EARS2: variants seen among roughly 807,000 people sequenced by gnomAD.
EARS2 encodes glutamyl-tRNA synthetase 2, mitochondrial.
In EARS2, 50 loss-of-function variants were observed where a neutral mutation model predicts 54.1. The observed-to-expected ratio is 0.92, with a 90% CI of 0.74 to 1.17. The LOEUF (loss-of-function observed/expected upper bound fraction) is 1.17, where lower values mean the gene tolerates loss of function less well. EARS2 is among the 50% of genes most tolerant of loss of function. EARS2 has a pLI of 0.00. For missense variants in EARS2, 673 were observed against 675.0 expected, an observed-to-expected ratio of 1.00 and a Z score of 0.03; for synonymous variants, 298 against 281.0, an observed-to-expected ratio of 1.06 and a Z score of -0.61.
At chr16:23,529,925 G>A in intron 5 of EARS2, 28 bp from the exon 6 acceptor site, 1 of 1,611,570 alleles carries the variant, frequency 6.2e-7, no homozygotes, top group Non-Finnish European at 8.5e-7. Context: ...GGGCTGCCCT[G>A]CTGTCAACAC....
Position 23,552,240 on chromosome 16 carries a change from C to T in EARS2, c.204G>A (p.Gln68=), listed in dbSNP as rs750379207. ...LYNYIFAKKY[Q]GSFILRLEDT... is the part of the protein sequence containing the mutation. ...CCTCTAGCCTCAGGATGAAGCTCCC[C>T]TGGTACTTCTTAGCAAAGATGTAGT... Residue 68 remains glutamine, a synonymous_variant, in exon 2 of 9, where the codon CAG becomes CAA. Transcript: ENST00000449606. The T allele has an allele frequency of 3.5e-5, 57 of 1,614,076 alleles. No homozygotes were observed. The highest frequency in any genetic ancestry group is 1.6e-4 in the Middle Eastern group (1 of 6,084).
At position 23,522,241 on chromosome 16, in the gene EARS2, T is replaced by G. The variant is rs2142155523; in HGVS notation, c.*2130A>C. The stretch of plus-strand genomic sequence containing the variant: ...CTTTTCCTCCATTGCATATAATCCC[T>G]GTGAAACTACCTATTACTGGCCAAG... On this transcript the variant is annotated 3_prime_UTR_variant, in exon 9 of 9. Transcript: ENST00000449606. 5.5e-6 allele frequency: 1 copy of G among 182,020 alleles called. No individual in the cohort carries two copies. The highest frequency in any genetic ancestry group is 1.2e-5 in the Non-Finnish European group (1 of 84,248). The allele number at this position is 182,020 out of a possible 1,614,324, so 11.3% of individuals were successfully genotyped here.
chr16:23,534,934 G>A lies in EARS2; in HGVS notation c.912C>T (p.Pro304=), dbSNP rs753022070. Reference sequence around the variant, plus strand: ...TGGTGATGATGTCCAACAAGGAATCGGGCAGGAAGCCATCAGCAGCAAAGT... The same window carrying A: ...TGGTGATGATGTCCAACAAGGAATCAGGCAGGAAGCCATCAGCAGCAAAGT... ...LEHFAADGFL[P]DSLLDIITNC... The change falls in exon 4 of 9, where the codon CCC becomes CCT. Residue 304 remains proline (P), a synonymous_variant. Coordinates refer to ENST00000449606, the MANE Select transcript of EARS2 (RefSeq NM_001083614.2). The A allele has an allele frequency of 2.9e-5, 47 of 1,601,874 alleles. No homozygotes were observed. The highest frequency in any genetic ancestry group is 3.3e-5 in the Non-Finnish European group (39 of 1,172,258).
intron 3 of EARS2, among the ~76,000 whole-genome samples, chr16:23,538,464 A>C (rs947354554): frequency 6.6e-6 from 1 of 151,786 alleles, no homozygotes; most frequent in African/African-American, 2.4e-5. Context: ...CTGTCTTTTT[A>C]CATTGGCTTC....
At chr16:23,533,029 G>T (rs1965352964) in intron 4 of EARS2, among the ~76,000 whole-genome samples, 1 of 152,160 alleles carries the variant, frequency 6.6e-6, no homozygotes, top group Non-Finnish European at 1.5e-5. Context: ...GCTTACACCT[G>T]TAATACCAGC....
chr16:23,533,487 G>A (rs766976143), intron 4 of EARS2, among the ~76,000 whole-genome samples: 1 of 151,956 alleles, frequency 6.6e-6, no homozygotes, highest in East Asian at 1.9e-4. Context: ...GCAAGCCCTG[G>A]GCCCCCCATT....
Position 23,552,194 on chromosome 16 carries a change from C to T in EARS2, c.250G>A (p.Val84Met). The part of the protein sequence containing the change: ...RLEDTDQTRV[V>M]PGAAENIEDM... ...TCAATATTCTCCGCTGCCCCAGGCA[C>T]AACGCGAGTCTGATCTGTGTCCTCT... The change falls in exon 2 of 9, where the codon GTG (valine) becomes ATG (methionine). Residue 84 changes from valine to methionine, a missense_variant. By Grantham distance (21) the Val-to-Met change is conservative (BLOSUM62 1). Coordinates refer to ENST00000449606, the MANE Select transcript of EARS2 (RefSeq NM_001083614.2). 6.2e-7 allele frequency: 1 copy of T among 1,614,188 alleles called. No individual in the cohort carries two copies. The highest frequency in any genetic ancestry group is 8.5e-7 in the Non-Finnish European group (1 of 1,180,014).
intron 5 of EARS2, among the ~76,000 whole-genome samples, chr16:23,532,382 C>T (rs1403302560): frequency 6.6e-6 from 1 of 152,080 alleles, no homozygotes; most frequent in Non-Finnish European, 1.5e-5. Context: ...TAAAAATATA[C>T]GTACCATTTA....
At chr16:23,528,539 A>G (rs903280991) in intron 7 of EARS2, among the ~76,000 whole-genome samples, 6 of 152,244 alleles carry the variant, frequency 3.9e-5, no homozygotes, top group Non-Finnish European at 7.3e-5. Context: ...GGAGTCCCAG[A>G]GCAAATCTAA....
chr16:23,535,097 C>G lies in EARS2; in HGVS notation c.749G>C (p.Trp250Ser). 1 of 1,608,992 alleles carries G rather than the reference C, an allele frequency of 6.2e-7. No individual in the cohort carries two copies. The highest frequency in any genetic ancestry group is 1.7e-5 in the Admixed American group (1 of 59,174). The change falls in exon 4 of 9, where the codon TGG becomes TCG. Residue 250 changes from tryptophan to serine, a missense_variant. Coordinates refer to ENST00000449606, the MANE Select transcript of EARS2 (RefSeq NM_001083614.2). ...CAGGTGCTTGGCAGTGGAGACGAGCCACTCAGAGCCTCGCAGCACGTGGCT... is the reference window on the plus strand; with the variant it reads ...CAGGTGCTTGGCAGTGGAGACGAGCGACTCAGAGCCTCGCAGCACGTGGCT... Reference protein sequence around the residue: ...GISHVLRGSEWLVSTAKHLLL... With the variant: ...GISHVLRGSESLVSTAKHLLL...
At chr16:23,548,733 C>T (rs1965646490) in intron 2 of EARS2, among the ~76,000 whole-genome samples, 1 of 152,128 alleles carries the variant, frequency 6.6e-6, no homozygotes, top group African/African-American at 2.4e-5. Flanking sequence ...AGCCTGAAAA[C>T]CAAACTGTCA....
intron 7 of EARS2, among the ~76,000 whole-genome samples, chr16:23,528,812 G>T (rs1480427622): frequency 6.6e-6 from 1 of 152,214 alleles, no homozygotes; most frequent in African/African-American, 2.4e-5. Flanking sequence ...GAGGTGGGAG[G>T]ATGAGCCCTG....
chr16:23,529,830 G>A lies in EARS2; in HGVS notation c.1135C>T (p.Leu379Phe). The A allele has an allele frequency of 6.2e-7, 1 of 1,614,170 alleles. No homozygotes were observed. Among genetic ancestry groups the A allele is most frequent in the South Asian group, 1.1e-5 (1 of 91,082 alleles). The change falls in exon 6 of 9, where the codon CTT becomes TTT. Residue 379 changes from leucine (L) to phenylalanine (F), a missense_variant. This residue lies in a region of EARS2 where 338 missense variants were observed against 361.2 expected (regional missense o/e 0.94). Coordinates refer to ENST00000449606, the MANE Select transcript of EARS2 (RefSeq NM_001083614.2). The stretch of plus-strand genomic sequence containing the variant: ...TGGCAACCAAAGGCCTCCTCCACAA[G>A]GACCTGCAGCTTCCCCACCAGCTGG... ...RRQLVGKLQV[L>F]VEEAFGCQLQ... is the part of the protein sequence containing the mutation.
chr16:23,546,515 C>T, intron 2 of EARS2: 1 of 447,550 alleles, frequency 2.2e-6, no homozygotes, highest in African/African-American at 2.0e-5. Flanking sequence ...GTAAAGTACT[C>T]ATCAAGTGGC....
At position 23,557,279 on chromosome 16, in the gene EARS2, A is replaced by T; in HGVS notation, c.65T>A (p.Val22Glu). The T allele has an allele frequency of 6.6e-7, 1 of 1,518,598 alleles. No individual in the cohort carries two copies. The highest frequency in any genetic ancestry group is 8.7e-7 in the Non-Finnish European group (1 of 1,144,838). The allele number at this position is 1,518,598 out of a possible 1,614,324, so 94.1% of individuals were successfully genotyped here. Residue 22 changes from valine to glutamate, a missense_variant, in exon 1 of 9, where the codon GTA becomes GAA. Transcript: ENST00000449606. ...ERPSAASGRP[V>E]GRREANLGTD... ...GCCCAGGTTGGCCTCGCGCCGTCCTACGGGGCGGCCAGAGGCCGCCGAAGG... is the reference window on the plus strand; with the variant it reads ...GCCCAGGTTGGCCTCGCGCCGTCCTTCGGGGCGGCCAGAGGCCGCCGAAGG...
chr16:23,537,107 T>C, intron 3 of EARS2: 1 of 262,468 alleles, frequency 3.8e-6, no homozygotes, highest in Admixed American at 4.4e-5. Flanking sequence ...CTGGCAGGAA[T>C]TCTGACAGTG....
intron 4 of EARS2, among the ~76,000 whole-genome samples, chr16:23,532,977 C>T (rs1965352194): frequency 6.6e-6 from 1 of 152,112 alleles, no homozygotes; most frequent in Non-Finnish European, 1.5e-5. Flanking sequence ...TACTACCGCA[C>T]CTGGCTAATT....
chr16:23,534,778 C>G (rs1174660995), intron 4 of EARS2, 110 bp downstream of exon 4: 1 of 926,360 alleles, frequency 1.1e-6, no homozygotes, highest in Non-Finnish European at 1.6e-6. Flanking sequence ...CCAAGGTCAC[C>G]TGGCTGGTAG....
chr16:23,532,226 G>A (rs1019857371), intron 5 of EARS2, among the ~76,000 whole-genome samples: 1 of 152,176 alleles, frequency 6.6e-6, no homozygotes, highest in Non-Finnish European at 1.5e-5. Context: ...ATATAAAGTA[G>A]ATGCCATGAG....
Sources: allele counts gnomAD v4.1 joint callset (sites outside exome capture counted in the v4.1 genomes callset), GRCh38; gene constraint gnomAD v4.1.1; regional missense constraint gnomAD v4.1.1; transcripts MANE v1.5; gene names NCBI Gene and HGNC (gene_info 2026-07-23, HGNC 2026-07-21).